The following PEMT variants were observed in gnomAD, a reference collection of about 807,000 sequenced individuals.
PEMT encodes phosphatidylethanolamine N-methyltransferase, also known as phospholipid methyltransferase.
PEMT carries 23 observed loss-of-function variants against 27.4 expected under a neutral mutation model. The observed-to-expected ratio is 0.84, with a 90% CI of 0.60 to 1.19. The LOEUF is 1.19. Among genes scored for constraint, PEMT ranks in the 50% most tolerant of loss-of-function variants. PEMT has a pLI of 0.00. For missense variants in PEMT, 307 were observed against 310.1 expected, an observed-to-expected ratio of 0.99 and a Z score of 0.07; for synonymous variants, 137 against 139.1, an observed-to-expected ratio of 0.98 and a Z score of 0.11.
intron 5 of PEMT, chr17:17,507,085 G>T: frequency 7.5e-7 from 1 of 1,326,864 alleles, no homozygotes; most frequent in Non-Finnish European, 1.1e-6. Flanking sequence ...GTCAGTGACG[G>T]CACCAAGGAG....
At chr17:17,540,135 G>A (rs917205563) in intron 2 of PEMT, among the ~76,000 whole-genome samples, 1 of 152,234 alleles carries the variant, frequency 6.6e-6, no homozygotes, top group South Asian at 2.1e-4. Flanking sequence ...AGCCCTGGCC[G>A]TGGGTGGGGA....
chr17:17,570,512 T>G, intron 2 of PEMT: 1 of 985,234 alleles, frequency 1.0e-6, no homozygotes, highest in Non-Finnish European at 1.2e-6. Context: ...TCAGCAACCC[T>G]GAGTCAGAGA....
chr17:17,586,259 AGAAAGAAAGAAAGAAAGAAAGAAAG>A (rs1567759190), intron 1 of PEMT, among the ~76,000 whole-genome samples: 10 of 116,778 alleles, frequency 8.6e-5, no homozygotes, highest in African/African-American at 2.7e-4. Flanking sequence ...AAAGAAAGAA[AGAAAGAAAGAAAGAAAGAAAGAAAG>A]AAAGAAAAAA....
rs1188417952 is a variant in PEMT, at chr17:17,523,273, GC to G, written c.205-879del. On this transcript the variant is annotated intron_variant, in intron 2 of 6. Transcript: ENST00000255389. This position sits in a 1 kb window ranked among gnomAD's most constrained non-coding sequence, Gnocchi z 4.8. ...AGGCGCCTGTGTGTGCACAGGAAGA[GC>G]CTCAGAGGCCTGCTCCCAGCCACCT... Among the ~76,000 whole-genome samples, 1 of 152,206 alleles carries G rather than the reference GC, an allele frequency of 6.6e-6. No individual in the cohort carries two copies. The highest frequency in any genetic ancestry group is 1.5e-5 in the Non-Finnish European group (1 of 68,050).
Position 17,561,051 on chromosome 17 carries a change from C to T in PEMT, c.204+15869G>A, listed in dbSNP as rs1320576013. Among the ~76,000 whole-genome samples the T allele has an allele frequency of 6.6e-6, 1 of 152,092 alleles. No individual in the cohort carries two copies. The highest frequency in any genetic ancestry group is 1.5e-5 in the Non-Finnish European group (1 of 68,022). ...TTCCTCTCCCCTCTCTCCTCCCTTCCTCCAGACCCCACACTCAAATCCTAT... is the reference window on the plus strand; with the variant it reads ...TTCCTCTCCCCTCTCTCCTCCCTTCTTCCAGACCCCACACTCAAATCCTAT... On this transcript the variant is annotated intron_variant, in intron 2 of 6. Transcript: ENST00000255389. This position sits in a 1 kb window ranked among gnomAD's most constrained non-coding sequence, Gnocchi z 4.5.
At chr17:17,558,341 T>C (rs963718237) in intron 2 of PEMT, among the ~76,000 whole-genome samples, 14 of 151,860 alleles carry the variant, frequency 9.2e-5, no homozygotes, top group Non-Finnish European at 1.8e-4. Flanking sequence ...ACACTGTCTC[T>C]ACTACAAATA....
intron 2 of PEMT, among the ~76,000 whole-genome samples, chr17:17,541,207 A>G (rs1262273596): frequency 1.3e-5 from 2 of 152,210 alleles, no homozygotes; most frequent in East Asian, 3.9e-4. Flanking sequence ...AAGACTGGGC[A>G]TTACAGAAGC....
At chr17:17,553,050 A>G (rs775118229) in intron 2 of PEMT, among the ~76,000 whole-genome samples, 11 of 152,214 alleles carry the variant, frequency 7.2e-5, no homozygotes, top group Non-Finnish European at 1.3e-4. Context: ...ACCAGCATGC[A>G]GGTTTCCATT....
At chr17:17,578,518 A>G (rs2142748467) in intron 1 of PEMT, 1 of 152,282 alleles carries the variant, frequency 6.6e-6, no homozygotes, top group Non-Finnish European at 1.5e-5. Context: ...TAATTTAAAA[A>G]TAAATTAAAA....
At chr17:17,518,899 C>T (rs997660116) in intron 3 of PEMT, 5 of 152,186 alleles carry the variant, frequency 3.3e-5, no homozygotes, top group Admixed American at 6.5e-5. Context: ...GAAAAAGCTC[C>T]GAAACTAGTC....
chr17:17,567,105 A>C (rs1910877024), intron 2 of PEMT, among the ~76,000 whole-genome samples: 1 of 152,182 alleles, frequency 6.6e-6, no homozygotes, highest in African/African-American at 2.4e-5. Context: ...CTTGGGTCCC[A>C]CCCAGCCATC....
intron 3 of PEMT, among the ~76,000 whole-genome samples, chr17:17,515,945 G>A (rs1480428052): frequency 6.6e-6 from 1 of 152,186 alleles, no homozygotes; most frequent in Non-Finnish European, 1.5e-5. Flanking sequence ...CCCTGGGGTG[G>A]AGGTGGGGAG....
At chr17:17,515,640 A>G (rs1306835046) in intron 3 of PEMT, among the ~76,000 whole-genome samples, 1 of 152,176 alleles carries the variant, frequency 6.6e-6, no homozygotes, top group African/African-American at 2.4e-5. Context: ...CTGGAATCTC[A>G]TGGCCCGAAT....
In PEMT at chr17:17,576,890, C is replaced by T. The variant is rs773037716; in HGVS notation, c.204+30G>A. 11 of 1,565,268 alleles carry T rather than the reference C, an allele frequency of 7.0e-6. No homozygotes were observed. In the Admixed American group the frequency reaches 8.3e-5, roughly 12 times the overall value. ...GGCTCACCAAGCAGTGAGATACTCC[C>T]GTCTGGACAGTGTCAGGCACATCAC... On this transcript the variant is annotated intron_variant, in intron 2 of 6. Coordinates refer to ENST00000255389, the MANE Select transcript of PEMT (RefSeq NM_148172.3).
At chr17:17,530,754 T>A (rs1908032637) in intron 2 of PEMT, among the ~76,000 whole-genome samples, 1 of 152,198 alleles carries the variant, frequency 6.6e-6, no homozygotes, top group South Asian at 2.1e-4. Flanking sequence ...TATGTTACTG[T>A]ATTTAGGATC....
intron 2 of PEMT, among the ~76,000 whole-genome samples, chr17:17,557,656 C>T (rs1910154122): frequency 6.6e-6 from 1 of 152,220 alleles, no homozygotes; most frequent in Non-Finnish European, 1.5e-5. Flanking sequence ...AATAAAGAAC[C>T]AAGGCAAAGC....
chr17:17,534,230 G>A (rs917090987), intron 2 of PEMT, among the ~76,000 whole-genome samples: 19 of 152,140 alleles, frequency 1.2e-4, no homozygotes, highest in South Asian at 2.1e-4. Flanking sequence ...AACAAACTAC[G>A]GTGAATGGAT....
At chr17:17,516,253 CTCA>C (rs1190393214) in intron 3 of PEMT, among the ~76,000 whole-genome samples, 3 of 152,240 alleles carry the variant, frequency 2.0e-5, no homozygotes, top group Admixed American at 1.3e-4. Context: ...GTCTGATGGG[CTCA>C]TTTCTTTTCC....
At chr17:17,515,287 G>A (rs1318496099) in intron 3 of PEMT, among the ~76,000 whole-genome samples, 3 of 152,188 alleles carry the variant, frequency 2.0e-5, no homozygotes, top group Non-Finnish European at 4.4e-5. Flanking sequence ...CTCATTCAGG[G>A]CCCAGCTTCC....
Sources: gnomAD v4.1 joint callset for allele counts (sites outside exome capture counted in the v4.1 genomes callset) on GRCh38, gnomAD v4.1.1 for gene constraint, Gnocchi (gnomAD v3.1) non-coding constraint, MANE v1.5 for transcripts, NCBI Gene and HGNC (gene_info 2026-07-23, HGNC 2026-07-21) for gene names.